MRTFA: variants seen among roughly 807,000 people sequenced by gnomAD.
MRTFA encodes myocardin related transcription factor A.
A neutral mutation model predicts 83.5 loss-of-function variants in MRTFA; 20 were observed. The observed-to-expected ratio is 0.24, with a 90% confidence interval of 0.17 to 0.35. The LOEUF (loss-of-function observed/expected upper bound fraction) is 0.35. Ranked by LOEUF, MRTFA falls within the 10% of genes least tolerant of loss-of-function variation. The probability of loss-of-function intolerance (pLI) is 1.00; values close to 1 mark genes in which losing one functional copy is unlikely to be tolerated. For missense variants in MRTFA, 1,200 were observed against 1,224.7 expected (o/e 0.98, Z 0.30); for synonymous variants, 659 against 541.2 (o/e 1.22, Z -3.02).
At chr22:40,547,891 A>C (rs1320417207) in intron 3 of MRTFA, among the ~76,000 whole-genome samples, 2 of 151,434 alleles carry the variant, frequency 1.3e-5, no homozygotes, top group Non-Finnish European at 2.9e-5. Flanking sequence ...ATGATGTCAG[A>C]GAGAATACCA....
At chr22:40,413,616 G>GTT (rs1355181793) in intron 14 of MRTFA, among the ~76,000 whole-genome samples, 2 of 151,390 alleles carry the variant, frequency 1.3e-5, no homozygotes, top group Admixed American at 1.3e-4. Flanking sequence ...TAAATTTTTT[G>GTT]TATTTTTTAG....
intron 14 of MRTFA, among the ~76,000 whole-genome samples, chr22:40,413,319 A>C (rs2147053622): frequency 6.6e-6 from 1 of 151,194 alleles, no homozygotes; most frequent in South Asian, 2.1e-4. Flanking sequence ...AAAAAAGGTA[A>C]ATTTTAGGTG....
intron 4 of MRTFA, among the ~76,000 whole-genome samples, chr22:40,436,676 ACT>A (rs2053176084): frequency 1.3e-5 from 2 of 152,148 alleles, no homozygotes; most frequent in Middle Eastern, 3.4e-3. Context: ...AACTTAAGAC[ACT>A]CTGAGGATGA....
intron 1 of MRTFA, among the ~76,000 whole-genome samples, chr22:40,634,600 G>A (rs1454830282): frequency 1.3e-5 from 2 of 152,156 alleles, no homozygotes; most frequent in East Asian, 3.8e-4. Context: ...CCACTAGACT[G>A]TGAGCTCCTC....
Position 40,577,490 on chromosome 22 carries a change from G to A in MRTFA, c.-22+17184C>T, listed in dbSNP as rs548491149. Among the ~76,000 whole-genome samples the A allele has an allele frequency of 7.2e-5, 11 of 151,930 alleles. 1 individual carries two copies. The South Asian group carries it at 2.3e-3, about 32-fold the overall frequency. ...ACCATTTTCACTTCAAACATGGCAT[G>A]TTTATGTGACCACTTCTAAACGTCT... is the stretch of plus-strand genomic sequence containing the variant. On this transcript the variant is annotated intron_variant, in intron 2 of 14. Transcript: ENST00000355630.
At chr22:40,449,427 G>A (rs1489598529) in intron 4 of MRTFA, among the ~76,000 whole-genome samples, 1 of 152,180 alleles carries the variant, frequency 6.6e-6, no homozygotes, top group Non-Finnish European at 1.5e-5. Context: ...AAAGAGGCCA[G>A]CAGTCCACAG....
intron 2 of MRTFA, among the ~76,000 whole-genome samples, chr22:40,561,110 T>C (rs1189454193): frequency 6.6e-6 from 1 of 151,650 alleles, no homozygotes; most frequent in Non-Finnish European, 1.5e-5. Context: ...TTATTTTCAA[T>C]GCAGTAAACC....
intron 3 of MRTFA, among the ~76,000 whole-genome samples, chr22:40,536,235 C>G (rs2055170640): frequency 6.6e-6 from 1 of 151,876 alleles, no homozygotes; most frequent in Non-Finnish European, 1.5e-5. Context: ...CCCAGGAGTT[C>G]CAGGCTACAG....
At chr22:40,559,415 C>T (rs1246288602) in intron 2 of MRTFA, among the ~76,000 whole-genome samples, 1 of 152,114 alleles carries the variant, frequency 6.6e-6, no homozygotes, top group Non-Finnish European at 1.5e-5. Context: ...TTTCTTAGAA[C>T]ACATACTTTT....
intron 1 of MRTFA, among the ~76,000 whole-genome samples, chr22:40,605,890 T>G: frequency 6.6e-6 from 1 of 152,232 alleles, no homozygotes. Context: ...AGCATTCTTT[T>G]CATTCTCAAA....
At chr22:40,417,125 TCC>T in intron 13 of MRTFA, 79 bp from the exon 14 acceptor site, 1 of 1,469,452 alleles carries the variant, frequency 6.8e-7, no homozygotes, top group East Asian at 2.5e-5. Context: ...ATGAGGCCCC[TCC>T]CTCTGCCCCA....
chr22:40,444,403 C>T (rs1376200519), intron 4 of MRTFA, among the ~76,000 whole-genome samples: 3 of 152,010 alleles, frequency 2.0e-5, no homozygotes, highest in Admixed American at 1.3e-4. Flanking sequence ...CATTAATTGC[C>T]GAAAACTTCC....
intron 3 of MRTFA, among the ~76,000 whole-genome samples, chr22:40,500,200 A>T (rs182939691): frequency 2.0e-5 from 3 of 149,286 alleles, no homozygotes; most frequent in African/African-American, 7.3e-5. Context: ...AAGTGCTGGG[A>T]TTACAGGCAT....
chr22:40,416,954 C>T lies in MRTFA; in HGVS notation c.2578+32G>A, dbSNP rs139022963. ...AGAGACACCTATGAACAGAGAAGGC[C>T]GTCAGGGAGGCAGCAGGGGACCTGG... is the stretch of plus-strand genomic sequence containing the variant. On this transcript the variant is annotated intron_variant, in intron 14 of 14. Transcript: ENST00000355630. The surrounding 1 kb of genome is among the most constrained non-coding windows in gnomAD (Gnocchi z 4.2). The T allele has an allele frequency of 2.8e-3, 4,375 of 1,572,548 alleles. 11 individuals are homozygous for T. Among genetic ancestry groups the T allele is most frequent in the Non-Finnish European group, 3.6e-3 (4,111 of 1,156,852 alleles).
intron 1 of MRTFA, among the ~76,000 whole-genome samples, chr22:40,613,379 A>G (rs144154828): frequency 6.6e-6 from 1 of 152,312 alleles, no homozygotes; most frequent in African/African-American, 2.4e-5. Context: ...GCTAAATTGA[A>G]TAAGTATATA....
chr22:40,535,823 AAG>A (rs1339380534), intron 3 of MRTFA, among the ~76,000 whole-genome samples: 1 of 152,206 alleles, frequency 6.6e-6, no homozygotes, highest in East Asian at 1.9e-4. Context: ...TTCGCCATAG[AAG>A]AGAGCATGTA....
At chr22:40,450,301 CAGA>C (rs2053463439) in intron 4 of MRTFA, among the ~76,000 whole-genome samples, 1 of 152,136 alleles carries the variant, frequency 6.6e-6, no homozygotes, top group African/African-American at 2.4e-5. Flanking sequence ...GTTATTATGA[CAGA>C]AGAAGAAAGA....
At chr22:40,489,320 T>C (rs2054229338) in intron 3 of MRTFA, among the ~76,000 whole-genome samples, 1 of 151,952 alleles carries the variant, frequency 6.6e-6, no homozygotes, top group Non-Finnish European at 1.5e-5. Flanking sequence ...AAAAAAATAA[T>C]GTGTATCTGT....
Position 40,553,954 on chromosome 22 carries a change from G to A in MRTFA, c.-21-1587C>T, listed in dbSNP as rs567389987. 1.5e-4 allele frequency among the ~76,000 whole-genome samples: 23 copies of A among 152,334 alleles called. No individual in the cohort carries two copies. The South Asian group carries it at 3.9e-3, about 26-fold the overall frequency. Reference sequence around the variant, plus strand: ...CCTCCTGCATCAACATGACCTGGATGTGAGACATGGAATCAAAGGAGATCA... The same window carrying A: ...CCTCCTGCATCAACATGACCTGGATATGAGACATGGAATCAAAGGAGATCA... On this transcript the variant is annotated intron_variant, in intron 2 of 14. Transcript: ENST00000355630.
Sources: allele counts gnomAD v4.1 joint callset (sites outside exome capture counted in the v4.1 genomes callset), GRCh38; gene constraint gnomAD v4.1.1; non-coding constraint Gnocchi (gnomAD v3.1); transcripts MANE v1.5; gene names NCBI Gene and HGNC (gene_info 2026-07-23, HGNC 2026-07-21).